Variants in CEP63 observed in about 807,000 individuals in gnomAD.
CEP63 encodes centrosomal protein 63.
CEP63 carries 84 observed loss-of-function variants against 89.1 expected under a neutral mutation model. That is an observed-to-expected ratio of 0.94 (90% CI 0.79 to 1.13). The LOEUF is 1.13. Among genes scored for constraint, CEP63 ranks in the 50% most tolerant of loss-of-function variants. The probability of loss-of-function intolerance (pLI) is 0.00; values close to 1 mark genes in which losing one functional copy is unlikely to be tolerated. For synonymous variants in CEP63, 267 were observed against 272.5 expected (o/e 0.98, Z 0.20); for missense variants, 838 against 813.3 (o/e 1.03, Z -0.37).
intron 14 of CEP63, 85 bp downstream of exon 14, chr3:134,559,514 T>C (rs1956955788): frequency 4.3e-6 from 5 of 1,163,294 alleles, no homozygotes; most frequent in Non-Finnish European, 6.2e-6. Flanking sequence ...AAGGTGATTT[T>C]TTTTTCCTTA....
the CEP63 span, among the ~76,000 whole-genome samples, chr3:134,721,663 G>C: frequency 6.6e-6 from 1 of 152,038 alleles, no homozygotes; most frequent in Non-Finnish European, 1.5e-5. Flanking sequence ...CTAGTTTGTT[G>C]AGTGCTTTCA....
In CEP63 at chr3:134,494,405, G is replaced by A. The variant is rs148896476; in HGVS notation, c.-25-891G>A. On this transcript the variant is annotated intron_variant, in intron 1 of 14. Coordinates refer to ENST00000675561, the MANE Select transcript of CEP63 (RefSeq NM_001353108.3). ...TCTAGGATTACAGGCGTGAGCCACCGCACCCAACTGTATCTTGCTGTTTAT... is the reference window on the plus strand; with the variant it reads ...TCTAGGATTACAGGCGTGAGCCACCACACCCAACTGTATCTTGCTGTTTAT... 6.3e-3 allele frequency among the ~76,000 whole-genome samples: 950 copies of A among 151,916 alleles called. 11 individuals are homozygous for A. Among genetic ancestry groups the A allele is most frequent in the Middle Eastern group, 0.041 (12 of 294 alleles).
At chr3:134,772,140 C>G in the CEP63 span, among the ~76,000 whole-genome samples, 1 of 152,334 alleles carries the variant, frequency 6.6e-6, no homozygotes, top group South Asian at 2.1e-4. Flanking sequence ...GCAACCCAGC[C>G]AGGCCTGTCT....
the CEP63 span, among the ~76,000 whole-genome samples, chr3:134,646,476 CTG>C: frequency 6.6e-6 from 1 of 152,178 alleles, no homozygotes; most frequent in South Asian, 2.1e-4. Context: ...GTGTTCTTGG[CTG>C]TCTTTTTCCC....
chr3:134,609,335 C>A, the CEP63 span, among the ~76,000 whole-genome samples: 2 of 152,102 alleles, frequency 1.3e-5, no homozygotes, highest in African/African-American at 4.8e-5. Flanking sequence ...AAGAGAAGAA[C>A]AGAGAGGCCC....
intron 3 of CEP63, among the ~76,000 whole-genome samples, chr3:134,510,252 C>T (rs1189795601): frequency 2.6e-5 from 4 of 152,116 alleles, no homozygotes; most frequent in Non-Finnish European, 2.9e-5. Context: ...ATTTTAGAAG[C>T]GTACTATAAA....
intron 11 of CEP63, among the ~76,000 whole-genome samples, chr3:134,573,441 A>G (rs887888142): frequency 6.6e-6 from 1 of 152,200 alleles, no homozygotes; most frequent in African/African-American, 2.4e-5. Flanking sequence ...AATGAAAGGT[A>G]AGGGTCCAGT....
rs1013472605 is a variant in CEP63, at chr3:134,574,117, G to T, written c.1330-676G>T. On this transcript the variant is annotated intron_variant, in intron 11 of 11. Coordinates refer to the CEP63 transcript ENST00000354446. Reference sequence around the variant, plus strand: ...ACTCAGCCATTTCCTCTGCAGAGTTGCAGGGTATGCTACTGTCCTCTGTGG... The same window carrying T: ...ACTCAGCCATTTCCTCTGCAGAGTTTCAGGGTATGCTACTGTCCTCTGTGG... 3.2e-4 allele frequency among the ~76,000 whole-genome samples: 48 copies of T among 152,314 alleles called. No homozygotes were observed. The Middle Eastern group carries it at 0.014, about 43-fold the overall frequency.
chr3:134,666,352 C>T, the CEP63 span, among the ~76,000 whole-genome samples: 2 of 152,286 alleles, frequency 1.3e-5, no homozygotes, highest in Admixed American at 6.5e-5. Flanking sequence ...ATTCACAGGT[C>T]GGGGAGACGA....
At chr3:134,531,143 T>G (rs530434634) in intron 3 of CEP63, among the ~76,000 whole-genome samples, 1 of 152,328 alleles carries the variant, frequency 6.6e-6, no homozygotes, top group South Asian at 2.1e-4. Flanking sequence ...GACGTTACTA[T>G]TCTGTACTTT....
chr3:134,762,928 G>A, the CEP63 span, among the ~76,000 whole-genome samples: 1 of 152,182 alleles, frequency 6.6e-6, no homozygotes, highest in South Asian at 2.1e-4. Flanking sequence ...AAGTAGAGAT[G>A]AAAAGTTTCT....
At chr3:134,704,188 T>G in the CEP63 span, among the ~76,000 whole-genome samples, 1 of 152,246 alleles carries the variant, frequency 6.6e-6, no homozygotes, top group Non-Finnish European at 1.5e-5. Flanking sequence ...CAAACATCTA[T>G]TAATCCTTCA....
At chr3:134,518,722 G>C (rs1034088888) in intron 3 of CEP63, among the ~76,000 whole-genome samples, 5 of 151,910 alleles carry the variant, frequency 3.3e-5, no homozygotes, top group Non-Finnish European at 5.9e-5. Flanking sequence ...AAGGCTGAAA[G>C]TGATCTAAGT....
the CEP63 span, among the ~76,000 whole-genome samples, chr3:134,640,778 G>A: frequency 6.6e-6 from 1 of 152,310 alleles, no homozygotes; most frequent in South Asian, 2.1e-4. Context: ...CAGGTCCCAA[G>A]CCTTGACTCC....
the CEP63 span, among the ~76,000 whole-genome samples, chr3:134,779,414 G>T: frequency 1.3e-5 from 2 of 152,228 alleles, no homozygotes; most frequent in Non-Finnish European, 2.9e-5. Context: ...ATTATGGATT[G>T]TGAGCCTATA....
At chr3:134,748,743 A>G in the CEP63 span, among the ~76,000 whole-genome samples, 4 of 152,326 alleles carry the variant, frequency 2.6e-5, no homozygotes, top group Admixed American at 6.5e-5. Flanking sequence ...ACATATATGC[A>G]GGGTGCTAGG....
chr3:134,679,149 T>C, the CEP63 span, among the ~76,000 whole-genome samples: 1 of 152,254 alleles, frequency 6.6e-6, no homozygotes, highest in Non-Finnish European at 1.5e-5. Flanking sequence ...TATTTTTCAT[T>C]TATTTGATAT....
the CEP63 span, among the ~76,000 whole-genome samples, chr3:134,602,681 T>C: frequency 0.63 from 95,867 of 152,014 alleles, 30,724 homozygotes; most frequent in East Asian, 0.87. Context: ...TCTGTGGAGG[T>C]GGGGCAGGGG....
the CEP63 span, among the ~76,000 whole-genome samples, chr3:134,748,515 A>G: frequency 2.0e-5 from 3 of 152,144 alleles, no homozygotes; most frequent in African/African-American, 2.4e-5. Flanking sequence ...TTCTTTCTAC[A>G]TATACTGAAT....
Sources: gnomAD v4.1 joint callset for allele counts (sites outside exome capture counted in the v4.1 genomes callset) on GRCh38, gnomAD v4.1.1 for gene constraint, MANE v1.5 for transcripts, NCBI Gene and HGNC (gene_info 2026-07-23, HGNC 2026-07-21) for gene names.